MFHAS1: variants seen among roughly 807,000 people sequenced by gnomAD.
The protein encoded by MFHAS1 is multifunctional ROCO family signaling regulator 1.
In MFHAS1, 50 loss-of-function variants were observed where a neutral mutation model predicts 70.4. The observed-to-expected ratio is 0.71, with a 90% CI of 0.57 to 0.90. MFHAS1 has a LOEUF of 0.90. MFHAS1 is among the 40% of genes least tolerant of loss of function. The probability of loss-of-function intolerance (pLI) is 0.00; values close to 1 mark genes in which losing one functional copy is unlikely to be tolerated. For synonymous variants in MFHAS1, 952 were observed against 620.0 expected (o/e 1.54, Z -7.96); for missense variants, 1,795 against 1,347.6 (o/e 1.33, Z -5.20).
chr8:8,890,893 G>A lies in MFHAS1; in HGVS notation c.2166C>T (p.Leu722=), dbSNP rs35971977. Residue 722 remains leucine, a synonymous_variant, in exon 1 of 3, where the codon CTC becomes CTT. Transcript: ENST00000276282. ...TGAGGTTGTGGAAGACGTGCTCCTT[G>A]AGAGCCGGACTGTCCTCAAAGTAGA... ...KLLYFEDSPA[L]KEHVFHNLTR... 6.8e-4 allele frequency: 1,102 copies of A among 1,614,104 alleles called. 10 individuals carry two copies. The African/African-American group carries it at 0.014, about 20-fold the overall frequency.
Position 8,871,784 on chromosome 8 carries a change from G to C in MFHAS1, c.2998+18277C>G, listed in dbSNP as rs138841613. Among the ~76,000 whole-genome samples the C allele has an allele frequency of 3.9e-5, 6 of 152,348 alleles. No individual in the cohort carries two copies. In the East Asian group the frequency reaches 1.2e-3, roughly 29 times the overall value. The stretch of plus-strand genomic sequence containing the variant: ...TCCAAGGCTCAGATGCATGGGCTCA[G>C]ATGTATGAATGGCATTCAAGAAGTG... On this transcript the variant is annotated intron_variant, in intron 1 of 2. Coordinates refer to ENST00000276282, the MANE Select transcript of MFHAS1 (RefSeq NM_004225.3).
At chr8:8,790,478 G>T in intron 2 of MFHAS1, 1 of 582,450 alleles carries the variant, frequency 1.7e-6, no homozygotes, top group Non-Finnish European at 2.2e-6. Flanking sequence ...TGGCTGACGG[G>T]AGACTAAATA....
intron 1 of MFHAS1, among the ~76,000 whole-genome samples, chr8:8,873,935 A>G (rs549831687): frequency 1.3e-5 from 2 of 152,244 alleles, no homozygotes; most frequent in Admixed American, 6.5e-5. Flanking sequence ...TAAACACTGC[A>G]TCACGTGTAA....
chr8:8,799,625 G>A (rs768772504), intron 1 of MFHAS1, among the ~76,000 whole-genome samples: 3 of 152,116 alleles, frequency 2.0e-5, no homozygotes, highest in East Asian at 1.9e-4. Flanking sequence ...GCATGTTGGC[G>A]GGCACCTGTA....
At chr8:8,803,688 G>A (rs1001945700) in intron 1 of MFHAS1, among the ~76,000 whole-genome samples, 1 of 151,450 alleles carries the variant, frequency 6.6e-6, no homozygotes, top group African/African-American at 2.4e-5. Flanking sequence ...AGTAAGGGAG[G>A]AGGCTGGGAG....
At chr8:8,885,389 C>T (rs1809714578) in intron 1 of MFHAS1, among the ~76,000 whole-genome samples, 1 of 152,184 alleles carries the variant, frequency 6.6e-6, no homozygotes, top group African/African-American at 2.4e-5. Flanking sequence ...AAGACACACT[C>T]TTCCAATTCA....
At chr8:8,855,886 C>A (rs945511565) in intron 1 of MFHAS1, among the ~76,000 whole-genome samples, 3 of 152,132 alleles carry the variant, frequency 2.0e-5, no homozygotes, top group Non-Finnish European at 4.4e-5. Flanking sequence ...ATTATGCTTT[C>A]TGCCGTTATT....
intron 1 of MFHAS1, among the ~76,000 whole-genome samples, chr8:8,832,454 CAG>C (rs1491016142): frequency 0.012 from 1,754 of 146,104 alleles, 25 homozygotes; most frequent in African/African-American, 0.035. Flanking sequence ...CACACACACA[CAG>C]AGCCAGTAAC....
chr8:8,840,747 CT>C (rs1807789840), intron 1 of MFHAS1, among the ~76,000 whole-genome samples: 1 of 152,176 alleles, frequency 6.6e-6, no homozygotes, highest in East Asian at 1.9e-4. Context: ...AATCTCACAC[CT>C]CACTACACTT....
chr8:8,850,574 G>C (rs907271070), intron 1 of MFHAS1, among the ~76,000 whole-genome samples: 1 of 152,106 alleles, frequency 6.6e-6, no homozygotes, highest in Non-Finnish European at 1.5e-5. Context: ...GGGTGCGGTA[G>C]CTCACGCCTG....
chr8:8,795,585 G>A (rs1044731906), intron 2 of MFHAS1, among the ~76,000 whole-genome samples: 7 of 152,354 alleles, frequency 4.6e-5, no homozygotes, highest in Admixed American at 2.0e-4. Flanking sequence ...AGCAAGGATA[G>A]ATTAGGGATG....
intron 1 of MFHAS1, among the ~76,000 whole-genome samples, chr8:8,850,461 A>G (rs1808201742): frequency 1.3e-5 from 2 of 152,242 alleles, no homozygotes; most frequent in Admixed American, 1.3e-4. Context: ...AGATCATTTC[A>G]TCCAGCTTCT....
chr8:8,849,054 T>C (rs1208748777), intron 1 of MFHAS1, among the ~76,000 whole-genome samples: 21 of 147,850 alleles, frequency 1.4e-4, no homozygotes, highest in African/African-American at 4.8e-4. Context: ...AGCAATTAAT[T>C]CCTTTTTACC....
chr8:8,892,820 T>C lies in MFHAS1; in HGVS notation c.239A>G (p.Glu80Gly), dbSNP rs145797270. ...LGNNGLEEVPEGLGSALGSLR... is the reference protein window; with the variant it reads ...LGNNGLEEVPGGLGSALGSLR... ...GCTGCCCAGCGCCGACCCCAGCCCC[T>C]CGGGTACCTCCTCCAGGCCGTTGTT... is the stretch of plus-strand genomic sequence containing the variant. Residue 80 changes from glutamate (E) to glycine (G), a missense_variant, in exon 1 of 3, where the codon GAG becomes GGG. Transcript: ENST00000276282. The surrounding 1 kb of genome is among the most constrained non-coding windows in gnomAD (Gnocchi z 4.7). 6.7e-5 allele frequency: 107 copies of C among 1,591,268 alleles called. No homozygotes were observed. The highest frequency in any genetic ancestry group is 8.9e-5 in the Non-Finnish European group (104 of 1,169,580).
In MFHAS1 at chr8:8,877,074, T is replaced by C. The variant is rs558165001; in HGVS notation, c.2998+12987A>G. On this transcript the variant is annotated intron_variant, in intron 1 of 2. Coordinates refer to ENST00000276282, the MANE Select transcript of MFHAS1 (RefSeq NM_004225.3). ...CAGCACTTTGAGAGGCCAAGGTGAG[T>C]GGACTGCTGGAGCCCAGGAATTTGA... Among the ~76,000 whole-genome samples, 55 of 151,646 alleles carry C rather than the reference T, an allele frequency of 3.6e-4. No individual in the cohort carries two copies. In the East Asian group the frequency reaches 0.01, roughly 28 times the overall value.
intron 1 of MFHAS1, among the ~76,000 whole-genome samples, chr8:8,828,894 C>T (rs1420267663): frequency 1.3e-5 from 2 of 152,188 alleles, no homozygotes; most frequent in African/African-American, 4.8e-5. Context: ...CCGCCCCTAG[C>T]TCAGTCCTTC....
intron 1 of MFHAS1, among the ~76,000 whole-genome samples, chr8:8,867,923 T>C (rs899413066): frequency 1.3e-5 from 2 of 152,182 alleles, no homozygotes; most frequent in African/African-American, 4.8e-5. Flanking sequence ...ACCAATTGTT[T>C]AACTCCATTC....
chr8:8,794,562 C>T (rs1478512414), intron 2 of MFHAS1, among the ~76,000 whole-genome samples: 1 of 152,184 alleles, frequency 6.6e-6, no homozygotes, highest in Non-Finnish European at 1.5e-5. Context: ...TCTACGTGTG[C>T]TTTTCTATAA....
chr8:8,845,150 T>A (rs1338189746), intron 1 of MFHAS1, among the ~76,000 whole-genome samples: 1 of 152,222 alleles, frequency 6.6e-6, no homozygotes, highest in Non-Finnish European at 1.5e-5. Context: ...GCAAAGAGGA[T>A]AAAATCAAGT....
Sources: gnomAD v4.1 joint callset for allele counts (sites outside exome capture counted in the v4.1 genomes callset) on GRCh38, gnomAD v4.1.1 for gene constraint, Gnocchi (gnomAD v3.1) non-coding constraint, MANE v1.5 for transcripts, NCBI Gene and HGNC (gene_info 2026-07-23, HGNC 2026-07-21) for gene names.